The following CACNA2D1 variants were observed in gnomAD, a reference collection of about 807,000 sequenced individuals.
CACNA2D1 encodes the protein calcium voltage-gated channel auxiliary subunit alpha2delta 1, also known as voltage-dependent calcium channel subunit alpha-2/delta-1.
CACNA2D1 carries 53 observed loss-of-function variants against 171.5 expected under a neutral mutation model. The observed-to-expected ratio is 0.31, with a 90% CI of 0.25 to 0.39. CACNA2D1 has a LOEUF of 0.39. Ranked by LOEUF, CACNA2D1 falls within the 10% of genes least tolerant of loss-of-function variation. The probability of loss-of-function intolerance (pLI) is 1.00; values close to 1 mark genes in which losing one functional copy is unlikely to be tolerated. For missense variants in CACNA2D1, 903 were observed against 1,299.8 expected (o/e 0.69, Z 4.69); for synonymous variants, 442 against 443.1 (o/e 1.00, Z 0.03).
chr7:82,011,709 G>C (rs1799797086), intron 15 of CACNA2D1, among the ~76,000 whole-genome samples: 1 of 152,136 alleles, frequency 6.6e-6, no homozygotes, highest in African/African-American at 2.4e-5. Context: ...GTACTCCTGA[G>C]TTTTAGCAGA....
At chr7:82,109,261 A>G (rs1309385262) in intron 6 of CACNA2D1, among the ~76,000 whole-genome samples, 1 of 152,128 alleles carries the variant, frequency 6.6e-6, no homozygotes, top group Admixed American at 6.5e-5. Flanking sequence ...TAAAAAATCA[A>G]TAAACACAAA....
At chr7:82,056,150 T>G (rs988953792) in intron 10 of CACNA2D1, among the ~76,000 whole-genome samples, 1 of 151,374 alleles carries the variant, frequency 6.6e-6, no homozygotes. Flanking sequence ...GATACTGAGA[T>G]AATATGCCAG....
At chr7:82,359,469 T>TC (rs35206358) in intron 1 of CACNA2D1, among the ~76,000 whole-genome samples, 1 of 152,144 alleles carries the variant, frequency 6.6e-6, no homozygotes, top group Non-Finnish European at 1.5e-5. Flanking sequence ...TGAATCTACT[T>TC]CCCCATATAG....
chr7:82,418,324 A>C (rs1828385298), intron 1 of CACNA2D1, among the ~76,000 whole-genome samples: 1 of 152,144 alleles, frequency 6.6e-6, no homozygotes, highest in African/African-American at 2.4e-5. Flanking sequence ...ACTACAATTC[A>C]AGATGAGATT....
intron 3 of CACNA2D1, among the ~76,000 whole-genome samples, chr7:82,255,948 G>C (rs573349506): frequency 6.6e-5 from 10 of 152,256 alleles, no homozygotes; most frequent in Admixed American, 1.3e-4. Context: ...GCCTGTGCAA[G>C]TACACACACT....
intron 3 of CACNA2D1, among the ~76,000 whole-genome samples, chr7:82,173,367 A>G (rs1289898979): frequency 5.3e-5 from 8 of 152,112 alleles, no homozygotes. Flanking sequence ...AGTTATGTAT[A>G]CCAAAGAAGT....
chr7:81,962,814 A>G (rs1794299612), intron 34 of CACNA2D1, among the ~76,000 whole-genome samples: 3 of 152,064 alleles, frequency 2.0e-5, no homozygotes, highest in African/African-American at 7.2e-5. Flanking sequence ...GTAGGTTTTC[A>G]CATTCATTAC....
intron 4 of CACNA2D1, among the ~76,000 whole-genome samples, chr7:82,140,506 G>C (rs543702078): frequency 6.6e-6 from 1 of 152,080 alleles, no homozygotes; most frequent in Non-Finnish European, 1.5e-5. Flanking sequence ...CAGGGCATCA[G>C]GAGTTGGAGA....
chr7:82,073,133 C>T (rs1421496078), intron 7 of CACNA2D1, among the ~76,000 whole-genome samples: 1 of 152,048 alleles, frequency 6.6e-6, no homozygotes, highest in East Asian at 1.9e-4. Flanking sequence ...TGATATTATC[C>T]TCAGAAACCT....
intron 4 of CACNA2D1, among the ~76,000 whole-genome samples, chr7:82,157,721 C>A (rs1180715619): frequency 6.6e-6 from 1 of 151,956 alleles, no homozygotes; most frequent in Non-Finnish European, 1.5e-5. Flanking sequence ...AGCAATAGGG[C>A]CACACAGATA....
intron 12 of CACNA2D1, among the ~76,000 whole-genome samples, chr7:82,022,475 A>C (rs774200292): frequency 3.3e-5 from 5 of 151,912 alleles, no homozygotes; most frequent in Admixed American, 6.6e-5. Flanking sequence ...AATAGAATTA[A>C]ATGCTACAAG....
rs141568083 is a variant in CACNA2D1 at position 82,076,113 on chromosome 7, C to T, written c.658+8656G>A. Among the ~76,000 whole-genome samples, 100 of 152,154 alleles carry T rather than the reference C, an allele frequency of 6.6e-4. No homozygotes were observed. In the East Asian group the frequency reaches 0.012, roughly 19 times the overall value. On this transcript the variant is annotated intron_variant, in intron 7 of 38. Transcript: ENST00000356860. ...TTGACCATAAGGTGAACAATTATTA[C>T]GACCATTATCTGTGAAAAATAAGAC...
chr7:82,042,637 G>A (rs1195010818), intron 10 of CACNA2D1, among the ~76,000 whole-genome samples: 4 of 152,222 alleles, frequency 2.6e-5, no homozygotes, highest in Middle Eastern at 6.8e-3. Flanking sequence ...ATGGGCATCT[G>A]GGGTAAAAAT....
intron 10 of CACNA2D1, among the ~76,000 whole-genome samples, chr7:82,042,476 G>A (rs768860921): frequency 6.6e-6 from 1 of 152,144 alleles, no homozygotes; most frequent in African/African-American, 2.4e-5. Context: ...TTGTAAAAGT[G>A]TGTATTTAAC....
At chr7:82,276,828 A>G (rs996669184) in intron 3 of CACNA2D1, among the ~76,000 whole-genome samples, 1 of 150,678 alleles carries the variant, frequency 6.6e-6, no homozygotes, top group African/African-American at 2.4e-5. Context: ...GGCTCACTGC[A>G]ACCTCTGCCT....
chr7:82,287,349 T>C (rs1810931909), intron 3 of CACNA2D1, among the ~76,000 whole-genome samples: 1 of 152,106 alleles, frequency 6.6e-6, no homozygotes. Context: ...CAGGCAGTTT[T>C]AGCAATAAGG....
intron 3 of CACNA2D1, among the ~76,000 whole-genome samples, chr7:82,248,410 C>T (rs936614071): frequency 1.3e-5 from 2 of 152,040 alleles, no homozygotes; most frequent in Non-Finnish European, 2.9e-5. Context: ...CCAGGGGTGA[C>T]CCCATTTGAA....
chr7:82,010,213 C>T (rs37130), intron 15 of CACNA2D1, among the ~76,000 whole-genome samples: 3,081 of 151,928 alleles, frequency 0.02, 96 homozygotes, highest in African/African-American at 0.069. Context: ...TTACCTTTTC[C>T]TTTTTAATAT....
rs1280243681 is a variant in CACNA2D1 at position 81,946,602 on chromosome 7, C to T, written c.*3790G>A. The stretch of plus-strand genomic sequence containing the variant: ...AATTTTCACAAAAGTGTCAAGAGAA[C>T]AAAATAAAGGGGAGAAAAGATCTAT... On this transcript the variant is annotated 3_prime_UTR_variant, in exon 39 of 39. Transcript: ENST00000356860. The T allele has an allele frequency of 6.6e-6, 1 of 151,958 alleles. No individual in the cohort carries two copies. The highest frequency in any genetic ancestry group is 1.5e-5 in the Non-Finnish European group (1 of 67,960). The allele number at this position is 151,958 out of a possible 1,614,324, so 9.4% of individuals were successfully genotyped here.
Sources: gnomAD v4.1 joint callset for allele counts (sites outside exome capture counted in the v4.1 genomes callset) on GRCh38, gnomAD v4.1.1 for gene constraint, MANE v1.5 for transcripts, NCBI Gene and HGNC (gene_info 2026-07-23, HGNC 2026-07-21) for gene names.